The following PSD3 variants were observed in gnomAD, a reference collection of about 807,000 sequenced individuals.
PSD3 encodes pleckstrin and Sec7 domain containing 3, also known as PH and SEC7 domain-containing protein 3.
Under a neutral mutation model 105.5 loss-of-function variants are expected in PSD3, and 49 were observed. That is an observed-to-expected ratio of 0.46 (90% CI 0.37 to 0.59). PSD3 has a LOEUF of 0.59. Among genes scored for constraint, PSD3 ranks in the 20% least tolerant of loss-of-function variants. The probability of loss-of-function intolerance (pLI) is 0.00; values close to 1 mark genes in which losing one functional copy is unlikely to be tolerated. For missense variants in PSD3, 1,561 were observed against 1,263.8 expected (o/e 1.24, Z -3.57); for synonymous variants, 557 against 457.8 (o/e 1.22, Z -2.77).
intron 9 of PSD3, among the ~76,000 whole-genome samples, chr8:18,716,544 G>A (rs1802612887): frequency 6.6e-6 from 1 of 152,096 alleles, no homozygotes; most frequent in Non-Finnish European, 1.5e-5. Context: ...TTGGGCAGTG[G>A]GAGAGGAAAT....
intron 9 of PSD3, among the ~76,000 whole-genome samples, chr8:18,710,538 A>T (rs531777510): frequency 2.0e-5 from 3 of 152,244 alleles, no homozygotes; most frequent in African/African-American, 7.2e-5. Flanking sequence ...TAAGATACCT[A>T]ATCTTCAGCA....
At chr8:18,677,008 A>C (rs1271411488) in intron 9 of PSD3, among the ~76,000 whole-genome samples, 2 of 152,228 alleles carry the variant, frequency 1.3e-5, no homozygotes, top group Non-Finnish European at 2.9e-5. Context: ...AAAATGGGTA[A>C]ACAGTGATCG....
chr8:18,688,993 C>G (rs1004875012), intron 9 of PSD3, among the ~76,000 whole-genome samples: 5 of 152,130 alleles, frequency 3.3e-5, no homozygotes, highest in Admixed American at 3.3e-4. Context: ...ACTAATTAAG[C>G]GGAAGGCTGG....
Position 18,625,938 on chromosome 8 carries a change from T to G in PSD3, c.2410+6675A>C, listed in dbSNP as rs77729372. On this transcript the variant is annotated intron_variant, in intron 11 of 15. Coordinates refer to ENST00000327040, the MANE Select transcript of PSD3 (RefSeq NM_015310.4). Reference sequence around the variant, plus strand: ...TTGGGTATGTTGTTTCCAGTTTCTTTCTTGATTTCCACAAGTATGTTACAT... The same window carrying G: ...TTGGGTATGTTGTTTCCAGTTTCTTGCTTGATTTCCACAAGTATGTTACAT... Among the ~76,000 whole-genome samples, 47 of 152,282 alleles carry G rather than the reference T, an allele frequency of 3.1e-4. 1 individual carries two copies. In the East Asian group the frequency reaches 8.3e-3, roughly 27 times the overall value.
chr8:19,028,660 T>G (rs1007236574), intron 1 of PSD3, among the ~76,000 whole-genome samples: 9 of 152,172 alleles, frequency 5.9e-5, no homozygotes, highest in Non-Finnish European at 1.0e-4. Flanking sequence ...GTTTCTTGGG[T>G]GTCTTTGAAG....
chr8:19,014,797 T>G (rs1827123133), upstream of PSD3, among the ~76,000 whole-genome samples: 1 of 152,182 alleles, frequency 6.6e-6, no homozygotes, highest in Non-Finnish European at 1.5e-5. The surrounding 1 kb of genome is among the most constrained non-coding windows in gnomAD (Gnocchi z 4.9). Flanking sequence ...CCGGTGAGCA[T>G]AGCTGAGATG....
intron 15 of PSD3, among the ~76,000 whole-genome samples, chr8:18,540,943 T>A (rs1408853890): frequency 6.6e-6 from 1 of 152,068 alleles, no homozygotes; most frequent in Non-Finnish European, 1.5e-5. Flanking sequence ...CGAGGACCTG[T>A]GGAACTTGCT....
At chr8:18,606,694 A>T (rs1247677974) in intron 11 of PSD3, among the ~76,000 whole-genome samples, 1 of 152,170 alleles carries the variant, frequency 6.6e-6, no homozygotes, top group Non-Finnish European at 1.5e-5. Context: ...GGGAACCAGT[A>T]AGGAAATTAT....
intron 3 of PSD3, among the ~76,000 whole-genome samples, chr8:18,868,500 A>C (rs1447568934): frequency 6.6e-6 from 1 of 152,136 alleles, no homozygotes; most frequent in African/African-American, 2.4e-5. Flanking sequence ...GTTGATTAAT[A>C]CTTTCTGATT....
rs1052374018 is a variant in PSD3, at chr8:18,954,882, C to T, written c.22-18740G>A. 2.0e-5 allele frequency among the ~76,000 whole-genome samples: 3 copies of T among 152,090 alleles called. No homozygotes were observed. The East Asian group carries it at 5.8e-4, about 29-fold the overall frequency. The stretch of plus-strand genomic sequence containing the variant: ...GGAATTACAACATTAATCTTTCCAC[C>T]CTCATCCCAAGTTCAATGAACTGCA... On this transcript the variant is annotated intron_variant, in intron 1 of 15. Transcript: ENST00000327040.
intron 2 of PSD3, among the ~76,000 whole-genome samples, chr8:18,898,890 G>C (rs1230195195): frequency 6.6e-6 from 1 of 152,142 alleles, no homozygotes; most frequent in Non-Finnish European, 1.5e-5. Context: ...GGAAGCAAGA[G>C]AGGCAGGCAC....
intron 4 of PSD3, among the ~76,000 whole-genome samples, chr8:18,865,712 A>C (rs965437373): frequency 2.0e-5 from 3 of 152,104 alleles, no homozygotes; most frequent in Non-Finnish European, 4.4e-5. Flanking sequence ...GCGCGTCTCC[A>C]AGGTGCTTGT....
intron 9 of PSD3, among the ~76,000 whole-genome samples, chr8:18,713,258 C>G (rs1325573113): frequency 6.6e-6 from 1 of 152,064 alleles, no homozygotes; most frequent in African/African-American, 2.4e-5. Context: ...CACTCGTATT[C>G]AACACAGTAT....
intron 2 of PSD3, among the ~76,000 whole-genome samples, chr8:18,899,703 C>T (rs1248676404): frequency 6.6e-6 from 1 of 152,074 alleles, no homozygotes; most frequent in Non-Finnish European, 1.5e-5. Flanking sequence ...CCCTTACTGG[C>T]AAGGTACTTC....
chr8:19,038,604 GC>G (rs1363123637), intron 1 of PSD3, among the ~76,000 whole-genome samples: 1 of 152,110 alleles, frequency 6.6e-6, no homozygotes, highest in Non-Finnish European at 1.5e-5. Context: ...GAAACCACAA[GC>G]ATGTACCACC....
At chr8:18,833,212 A>G (rs773062839) in intron 4 of PSD3, among the ~76,000 whole-genome samples, 27 of 152,182 alleles carry the variant, frequency 1.8e-4, no homozygotes, top group Non-Finnish European at 3.5e-4. Flanking sequence ...AGGCAAGATA[A>G]CAAGACATAT....
At chr8:19,083,079 T>A in intron 1 of PSD3, among the ~76,000 whole-genome samples, 1 of 152,132 alleles carries the variant, frequency 6.6e-6, no homozygotes, top group East Asian at 1.9e-4. Flanking sequence ...GCTGTGAATT[T>A]CATTCATTTC....
At chr8:18,639,777 A>C (rs11786329) in intron 10 of PSD3, among the ~76,000 whole-genome samples, 4,118 of 152,252 alleles carry the variant, frequency 0.027, 81 homozygotes, top group East Asian at 0.08. Context: ...TATGGCAGCC[A>C]AAGGAAATGG....
At chr8:18,769,543 T>A (rs769243177) in intron 8 of PSD3, among the ~76,000 whole-genome samples, 10 of 152,212 alleles carry the variant, frequency 6.6e-5, no homozygotes, top group Non-Finnish European at 1.2e-4. Context: ...TGATTTTTAA[T>A]AAAGGTGTGC....
Sources: allele counts gnomAD v4.1 joint callset (sites outside exome capture counted in the v4.1 genomes callset), GRCh38; gene constraint gnomAD v4.1.1; non-coding constraint Gnocchi (gnomAD v3.1); transcripts MANE v1.5; gene names NCBI Gene and HGNC (gene_info 2026-07-23, HGNC 2026-07-21).